Variants in ATRN observed in about 807,000 individuals in gnomAD.
ATRN encodes attractin-2.
Under a neutral mutation model 178.7 loss-of-function variants are expected in ATRN, and 54 were observed. That is an observed-to-expected ratio of 0.30 (90% CI 0.24 to 0.38). The LOEUF is 0.38. Ranked by LOEUF, ATRN falls within the 10% of genes least tolerant of loss-of-function variation. ATRN has a pLI of 1.00. For synonymous variants in ATRN, 636 were observed against 663.0 expected, an observed-to-expected ratio of 0.96 and a Z score of 0.63; for missense variants, 1,443 against 1,815.1, an observed-to-expected ratio of 0.79 and a Z score of 3.73.
At chr20:3,644,114 C>G (rs2087089677) in intron 27 of ATRN, 40 bp from the exon 28 acceptor site, 1 of 1,452,294 alleles carries the variant, frequency 6.9e-7, no homozygotes, top group Non-Finnish European at 9.7e-7. Flanking sequence ...TACATTAAAG[C>G]TTGAGTATCA....
At chr20:3,639,640 C>A (rs1442065850) in intron 27 of ATRN, among the ~76,000 whole-genome samples, 1 of 151,998 alleles carries the variant, frequency 6.6e-6, no homozygotes, top group East Asian at 1.9e-4. Context: ...ATTTATCACC[C>A]CCCTCCCCAA....
At chr20:3,523,256 C>T (rs1444176674) in intron 1 of ATRN, among the ~76,000 whole-genome samples, 1 of 151,698 alleles carries the variant, frequency 6.6e-6, no homozygotes, top group Non-Finnish European at 1.5e-5. Context: ...AGCACAAGAA[C>T]TTTGTGAAGC....
intron 1 of ATRN, among the ~76,000 whole-genome samples, chr20:3,526,156 G>A (rs1440102721): frequency 1.3e-5 from 2 of 152,164 alleles, no homozygotes; most frequent in Admixed American, 6.5e-5. Flanking sequence ...AAGCCCCATC[G>A]TCTCAGCCCC....
At chr20:3,538,621 C>T (rs993406666) in intron 2 of ATRN, among the ~76,000 whole-genome samples, 3 of 150,280 alleles carry the variant, frequency 2.0e-5, no homozygotes, top group Non-Finnish European at 4.4e-5. Context: ...AACTCTCATT[C>T]CCCCTTTTCC....
chr20:3,549,948 T>A (rs897011179), intron 6 of ATRN, among the ~76,000 whole-genome samples: 1 of 152,208 alleles, frequency 6.6e-6, no homozygotes, highest in Non-Finnish European at 1.5e-5. Flanking sequence ...GGTGGCCTAG[T>A]TTCTGCATCC....
intron 1 of ATRN, among the ~76,000 whole-genome samples, chr20:3,512,107 A>ATATATATATATATATATATATTTTTTTT: frequency 1.9e-5 from 2 of 106,386 alleles, no homozygotes; most frequent in South Asian, 2.9e-4. Flanking sequence ...ATATATATAT[A>ATATATATATATATATATATATTTTTTTT]TTTTTTTTTT....
At chr20:3,576,305 A>G (rs1420045131) in intron 13 of ATRN, among the ~76,000 whole-genome samples, 1 of 152,206 alleles carries the variant, frequency 6.6e-6, no homozygotes, top group Non-Finnish European at 1.5e-5. Context: ...ACAGCGGCCC[A>G]TATTGAACTG....
Position 3,490,977 on chromosome 20 carries a change from C to T in ATRN, c.410+19460C>T, listed in dbSNP as rs190295783. ...GAGCCTTTCCTTCTCCTCATGATAG[C>T]GCCGCTGCTGCTCCAGTATTGTCTC... On this transcript the variant is annotated intron_variant, in intron 1 of 28. Transcript: ENST00000262919. 1,548 of 1,537,146 alleles carry T rather than the reference C, an allele frequency of 1.0e-3. 22 individuals carry two copies. Among genetic ancestry groups the T allele is most frequent in the Non-Finnish European group, 1.2e-4 (131 of 1,114,824 alleles).
At position 3,618,692 on chromosome 20, in the gene ATRN, C is replaced by T. The variant is rs576342046; in HGVS notation, c.3802-5819C>T. ...TGAATGGCATTAACTGGCCATGGGG[C>T]TCTGACCAGAGCTTGGGTATACAGT... is the stretch of plus-strand genomic sequence containing the variant. On this transcript the variant is annotated intron_variant, in intron 24 of 28. Coordinates refer to ENST00000262919, the MANE Select transcript of ATRN (RefSeq NM_139321.3). 2.8e-3 allele frequency among the ~76,000 whole-genome samples: 419 copies of T among 152,240 alleles called. 3 individuals are homozygous for T. Among genetic ancestry groups the T allele is most frequent in the Non-Finnish European group, 4.5e-3 (303 of 68,016 alleles).
At chr20:3,472,459 C>T (rs1448267659) in intron 1 of ATRN, among the ~76,000 whole-genome samples, 1 of 152,112 alleles carries the variant, frequency 6.6e-6, no homozygotes. Flanking sequence ...GAAATGTGAA[C>T]AAGACAGACA....
At chr20:3,639,710 C>T (rs554760322) in intron 27 of ATRN, among the ~76,000 whole-genome samples, 159 of 152,042 alleles carry the variant, frequency 1.0e-3, no homozygotes, top group South Asian at 4.0e-3. Flanking sequence ...ATTTAAGATA[C>T]GCTGGAGAAA....
chr20:3,637,185 C>T (rs2087031685), intron 26 of ATRN, among the ~76,000 whole-genome samples: 1 of 152,128 alleles, frequency 6.6e-6, no homozygotes. Flanking sequence ...TGAAGCTGAC[C>T]ATTCAGAATA....
intron 1 of ATRN, among the ~76,000 whole-genome samples, chr20:3,525,238 A>G (rs2085347966): frequency 6.6e-6 from 1 of 152,214 alleles, no homozygotes; most frequent in Non-Finnish European, 1.5e-5. Flanking sequence ...TCCCAAAGAA[A>G]TAGAAACTGC....
intron 3 of ATRN, among the ~76,000 whole-genome samples, chr20:3,540,718 A>T (rs1030076366): frequency 4.6e-5 from 7 of 152,310 alleles, no homozygotes; most frequent in Non-Finnish European, 1.0e-4. Context: ...TTCCTTGTGT[A>T]TTGCCCACTG....
chr20:3,483,531 A>T (rs1600006201), intron 1 of ATRN, among the ~76,000 whole-genome samples: 1 of 152,294 alleles, frequency 6.6e-6, no homozygotes, highest in East Asian at 1.9e-4. Context: ...TGTTTTTAGT[A>T]GAGACCAGGC....
chr20:3,554,442 T>C (rs1470359278), intron 6 of ATRN, among the ~76,000 whole-genome samples: 2 of 151,948 alleles, frequency 1.3e-5, no homozygotes, highest in African/African-American at 2.4e-5. Context: ...TTCACACCAT[T>C]CTCCTGCCTC....
chr20:3,609,668 A>G (rs1256461224), intron 24 of ATRN, among the ~76,000 whole-genome samples: 1 of 151,992 alleles, frequency 6.6e-6, no homozygotes, highest in Non-Finnish European at 1.5e-5. Flanking sequence ...AACAACCCAA[A>G]TATCTATCAG....
chr20:3,526,615 C>G (rs1747113499), intron 1 of ATRN, among the ~76,000 whole-genome samples: 2 of 152,118 alleles, frequency 1.3e-5, no homozygotes, highest in South Asian at 4.1e-4. Flanking sequence ...CAAAAAAGAG[C>G]CCATATAACC....
In ATRN at chr20:3,636,366, A is replaced by G. The variant is rs564241689; in HGVS notation, c.3942+1977A>G. 9.3e-4 allele frequency among the ~76,000 whole-genome samples: 142 copies of G among 152,360 alleles called. 1 individual carries two copies. The highest frequency in any genetic ancestry group is 3.3e-3 in the African/African-American group (137 of 41,586). On this transcript the variant is annotated intron_variant, in intron 26 of 28. Transcript: ENST00000262919. ...GTCAAAAAAAGAATATATCATGTCAATGGGGAAAAAATAACACCTGAATTC... is the reference window on the plus strand; with the variant it reads ...GTCAAAAAAAGAATATATCATGTCAGTGGGGAAAAAATAACACCTGAATTC...
Sources: allele counts gnomAD v4.1 joint callset (sites outside exome capture counted in the v4.1 genomes callset), GRCh38; gene constraint gnomAD v4.1.1; transcripts MANE v1.5; gene names NCBI Gene and HGNC (gene_info 2026-07-23, HGNC 2026-07-21).